ZNF385D: variants seen among roughly 807,000 people sequenced by gnomAD.
The protein encoded by ZNF385D is zinc finger protein 385D, also known as zinc finger protein 659.
Under a neutral mutation model 35.8 loss-of-function variants are expected in ZNF385D, and 15 were observed. The observed-to-expected ratio is 0.42, with a 90% confidence interval of 0.28 to 0.64. The LOEUF (loss-of-function observed/expected upper bound fraction) is 0.64, where lower values mean the gene tolerates loss of function less well. Ranked by LOEUF, ZNF385D falls within the 30% of genes least tolerant of loss-of-function variation. The pLI, the probability that ZNF385D is intolerant of heterozygous loss-of-function variation, is 0.23. For missense variants in ZNF385D, 474 were observed against 494.6 expected, an observed-to-expected ratio of 0.96 and a Z score of 0.39; for synonymous variants, 212 against 186.8, an observed-to-expected ratio of 1.13 and a Z score of -1.10.
At chr3:21,908,195 G>A (rs994849331) in intron 3 of ZNF385D, among the ~76,000 whole-genome samples, 4 of 146,242 alleles carry the variant, frequency 2.7e-5, no homozygotes, top group Admixed American at 1.4e-4. Flanking sequence ...GGATTCTAGG[G>A]AACAGGAAAA....
At chr3:21,964,684 G>T (rs989833671) in intron 3 of ZNF385D, among the ~76,000 whole-genome samples, 2 of 151,564 alleles carry the variant, frequency 1.3e-5, no homozygotes, top group East Asian at 1.9e-4. Context: ...TAGAGATGGG[G>T]TTTCACCATG....
At position 22,267,357 on chromosome 3, in the gene ZNF385D, T is replaced by C. The variant is rs141599556; in HGVS notation, c.107-98322A>G. Among the ~76,000 whole-genome samples the C allele has an allele frequency of 7.6e-3, 1,162 of 151,980 alleles. 55 individuals carry two copies. The highest frequency in any genetic ancestry group is 0.069 in the Admixed American group (1,045 of 15,190). On this transcript the variant is annotated intron_variant, in intron 2 of 5. Transcript: ENST00000494108. Reference sequence around the variant, plus strand: ...TCTTAGTTTCTACTTTCTAACCAAATGTTTTTTCCATTGTTTTACCAAAGA... The same window carrying C: ...TCTTAGTTTCTACTTTCTAACCAAACGTTTTTTCCATTGTTTTACCAAAGA...
chr3:22,206,698 A>G (rs1697178832), intron 2 of ZNF385D, among the ~76,000 whole-genome samples: 1 of 152,012 alleles, frequency 6.6e-6, no homozygotes, highest in Non-Finnish European at 1.5e-5. Context: ...GAAGAGATTA[A>G]TAAGTAAATT....
At chr3:22,017,774 C>T (rs1696979789) in intron 3 of ZNF385D, among the ~76,000 whole-genome samples, 1 of 151,918 alleles carries the variant, frequency 6.6e-6, no homozygotes, top group Admixed American at 6.6e-5. Context: ...TTCTAGCACA[C>T]CTTGTTTCTA....
chr3:21,997,941 T>C (rs1040407268), intron 3 of ZNF385D, among the ~76,000 whole-genome samples: 2 of 144,806 alleles, frequency 1.4e-5, no homozygotes, highest in African/African-American at 2.6e-5. Flanking sequence ...AGGGGAGAAA[T>C]TGAGATAGAA....
chr3:21,953,021 GC>G (rs1453724542), intron 3 of ZNF385D, among the ~76,000 whole-genome samples: 1 of 151,918 alleles, frequency 6.6e-6, no homozygotes, highest in African/African-American at 2.4e-5. Flanking sequence ...AATCAAGATT[GC>G]AGGTATCTAG....
At chr3:22,118,237 C>A (rs1702907660) in intron 3 of ZNF385D, among the ~76,000 whole-genome samples, 1 of 151,942 alleles carries the variant, frequency 6.6e-6, no homozygotes, top group Non-Finnish European at 1.5e-5. Flanking sequence ...CCATTATTTC[C>A]CTGAGTTTAG....
chr3:21,684,508 G>A (rs928755851), intron 1 of ZNF385D, among the ~76,000 whole-genome samples: 1 of 147,572 alleles, frequency 6.8e-6, no homozygotes, highest in African/African-American at 2.5e-5. Context: ...TTTCAATAAC[G>A]GAACCCTTTA....
intron 2 of ZNF385D, among the ~76,000 whole-genome samples, chr3:21,613,342 TAA>T (rs11434152): frequency 2.1e-5 from 3 of 144,292 alleles, no homozygotes; most frequent in African/African-American, 7.7e-5. Context: ...AGTCAGAAGA[TAA>T]AAAAAAAAAT....
At chr3:21,676,188 C>T (rs1488077500) in intron 1 of ZNF385D, among the ~76,000 whole-genome samples, 1 of 152,050 alleles carries the variant, frequency 6.6e-6, no homozygotes, top group Non-Finnish European at 1.5e-5. Context: ...ATTTGCAGTA[C>T]CCATTAGCTT....
At chr3:22,086,451 T>A (rs1235265613) in intron 3 of ZNF385D, among the ~76,000 whole-genome samples, 2 of 152,162 alleles carry the variant, frequency 1.3e-5, no homozygotes. Flanking sequence ...CATTCACAAT[T>A]GCTTCAAAGA....
chr3:21,684,826 G>C (rs2067053201), intron 1 of ZNF385D, among the ~76,000 whole-genome samples: 1 of 151,974 alleles, frequency 6.6e-6, no homozygotes, highest in Non-Finnish European at 1.5e-5. Context: ...GAGCCTACTT[G>C]GAAAAAAATT....
intron 3 of ZNF385D, among the ~76,000 whole-genome samples, chr3:21,960,147 A>G (rs1297729060): frequency 6.6e-6 from 1 of 151,820 alleles, no homozygotes; most frequent in Non-Finnish European, 1.5e-5. Context: ...CATTCTATAC[A>G]TCCAACAAGA....
intron 3 of ZNF385D, among the ~76,000 whole-genome samples, chr3:21,801,342 G>T (rs548384394): frequency 6.6e-6 from 1 of 152,102 alleles, no homozygotes; most frequent in African/African-American, 2.4e-5. Context: ...CCCATAGAAT[G>T]AGTTAGGAAG....
At chr3:21,977,676 T>A (rs982165341) in intron 3 of ZNF385D, among the ~76,000 whole-genome samples, 1 of 151,582 alleles carries the variant, frequency 6.6e-6, no homozygotes, top group African/African-American at 2.4e-5. Context: ...ATAAAAATAA[T>A]CATAATAACA....
intron 4 of ZNF385D, among the ~76,000 whole-genome samples, chr3:21,454,296 T>C (rs543353739): frequency 3.6e-5 from 5 of 139,772 alleles, no homozygotes; most frequent in Admixed American, 2.9e-4. Flanking sequence ...ATTGTGAATA[T>C]AGTAAAGGCC....
rs1399843162 is a variant in ZNF385D at position 21,900,391 on chromosome 3, CAT to C, written c.326-235365_326-235364del. 2.6e-5 allele frequency among the ~76,000 whole-genome samples: 4 copies of C among 152,076 alleles called. No individual in the cohort carries two copies. In the East Asian group the frequency reaches 5.8e-4, roughly 22 times the overall value. On this transcript the variant is annotated intron_variant, in intron 3 of 5. Coordinates refer to the ZNF385D transcript ENST00000494108. ...GAAAGCAACCTACCCAGCTTCAACA[CAT>C]GAGAAAAACATTGTGACCTCTTTAT...
chr3:21,659,975 C>G (rs899933892), intron 2 of ZNF385D, among the ~76,000 whole-genome samples: 3 of 152,068 alleles, frequency 2.0e-5, no homozygotes, highest in Admixed American at 6.6e-5. Flanking sequence ...ATAAATTTCA[C>G]TTTTCTGTCC....
At chr3:22,273,462 G>C (rs747265197) in intron 2 of ZNF385D, among the ~76,000 whole-genome samples, 19 of 151,894 alleles carry the variant, frequency 1.3e-4, no homozygotes, top group Non-Finnish European at 2.4e-4. Context: ...GGTTCTACTG[G>C]TATCGAATGG....
Sources: allele counts gnomAD v4.1 joint callset (sites outside exome capture counted in the v4.1 genomes callset), GRCh38; gene constraint gnomAD v4.1.1; transcripts MANE v1.5; gene names NCBI Gene and HGNC (gene_info 2026-07-23, HGNC 2026-07-21).